Variants in AGPAT5 observed in about 807,000 individuals in gnomAD.
AGPAT5 encodes the protein 1-acyl-sn-glycerol-3-phosphate acyltransferase epsilon.
AGPAT5 carries 46 observed loss-of-function variants against 45.6 expected under a neutral mutation model. The ratio of observed to expected loss-of-function variants is 1.01; its 90% confidence interval spans 0.80 to 1.29. AGPAT5 has a LOEUF of 1.29. Ranked by LOEUF, AGPAT5 falls within the 50% of genes most tolerant of loss-of-function variation. The probability of loss-of-function intolerance (pLI) is 0.00; values close to 1 mark genes in which losing one functional copy is unlikely to be tolerated. For missense variants in AGPAT5, 673 were observed against 450.7 expected (o/e 1.49, Z -4.47); for synonymous variants, 272 against 167.0 (o/e 1.63, Z -4.85).
At chr8:6,718,886 G>T (rs1356595177) in intron 1 of AGPAT5, among the ~76,000 whole-genome samples, 1 of 152,170 alleles carries the variant, frequency 6.6e-6, no homozygotes. Context: ...AGAAGCAGCA[G>T]TTAATTACCT....
At chr8:6,741,819 T>C in intron 5 of AGPAT5, 68 bp downstream of exon 5, 1 of 1,246,738 alleles carries the variant, frequency 8.0e-7, no homozygotes, top group South Asian at 1.3e-5. Context: ...TTTTTCTTCC[T>C]GGAAAAGATA....
chr8:6,709,300 CAG>C (rs1800057216), intron 1 of AGPAT5: 8 of 210,016 alleles, frequency 3.8e-5, no homozygotes, highest in Admixed American at 2.2e-4. Context: ...CCTCTTGAAA[CAG>C]AAGTACAATT....
intron 2 of AGPAT5, among the ~76,000 whole-genome samples, chr8:6,729,534 C>T (rs940259713): frequency 1.3e-5 from 2 of 151,976 alleles, no homozygotes; most frequent in African/African-American, 4.8e-5. Context: ...TGTTTTCTTT[C>T]TCATCAGGAG....
intron 4 of AGPAT5, among the ~76,000 whole-genome samples, chr8:6,735,207 G>C (rs1334444360): frequency 6.6e-6 from 1 of 152,090 alleles, no homozygotes; most frequent in Non-Finnish European, 1.5e-5. Flanking sequence ...CGTGCCCCAT[G>C]GGTAGCAGGG....
chr8:6,735,083 A>G (rs1801002278), intron 4 of AGPAT5, among the ~76,000 whole-genome samples: 1 of 152,060 alleles, frequency 6.6e-6, no homozygotes, highest in Non-Finnish European at 1.5e-5. Flanking sequence ...TCAGGGGTGG[A>G]GCCTTCTCTG....
intron 4 of AGPAT5, among the ~76,000 whole-genome samples, chr8:6,740,567 A>G (rs1366395612): frequency 6.6e-6 from 1 of 151,066 alleles, no homozygotes; most frequent in Non-Finnish European, 1.5e-5. Context: ...TTTCTAAGTT[A>G]GGTGTGGGTT....
At chr8:6,710,091 T>C (rs1021367915) in intron 1 of AGPAT5, among the ~76,000 whole-genome samples, 2 of 152,220 alleles carry the variant, frequency 1.3e-5, no homozygotes, top group Non-Finnish European at 2.9e-5. Flanking sequence ...TGGCCTGGGA[T>C]GGGATATAAG....
intron 1 of AGPAT5, among the ~76,000 whole-genome samples, chr8:6,714,120 G>A (rs548636573): frequency 1.3e-5 from 2 of 152,104 alleles, no homozygotes; most frequent in Non-Finnish European, 2.9e-5. Context: ...CCAAAATGTT[G>A]CCCAGCGTCG....
Position 6,730,759 on chromosome 8 carries a change from G to C in AGPAT5, c.338G>C (p.Gly113Ala), listed in dbSNP as rs1048955179. Residue 113 changes from glycine to alanine, a missense_variant, in exon 3 of 8, where the codon GGA becomes GCA. By Grantham distance (60) the Gly-to-Ala change is moderately conservative. Coordinates refer to ENST00000285518, the MANE Select transcript of AGPAT5 (RefSeq NM_018361.5). ...TTGGCCATCAGGCAGAATGCGCTAG[G>C]ACATGTGCGCTACGTGCTGAAAGAA... ...DILAIRQNALGHVRYVLKEGL... is the reference protein window; with the variant it reads ...DILAIRQNALAHVRYVLKEGL... The C allele has an allele frequency of 2.5e-6, 4 of 1,613,700 alleles. No individual in the cohort carries two copies. The highest frequency in any genetic ancestry group is 3.4e-6 in the Non-Finnish European group (4 of 1,179,700).
chr8:6,756,458 T>G (rs985518311), intron 7 of AGPAT5, among the ~76,000 whole-genome samples: 1 of 151,996 alleles, frequency 6.6e-6, no homozygotes, highest in Non-Finnish European at 1.5e-5. Flanking sequence ...AAACCCTGTC[T>G]CTACAGAAAA....
chr8:6,728,045 A>T (rs909318044), intron 2 of AGPAT5, among the ~76,000 whole-genome samples: 3 of 152,160 alleles, frequency 2.0e-5, no homozygotes, highest in Admixed American at 6.5e-5. Context: ...ATGGCAGGGA[A>T]GCGCTGCACA....
chr8:6,729,442 A>G (rs1437593446), intron 2 of AGPAT5, among the ~76,000 whole-genome samples: 1 of 149,654 alleles, frequency 6.7e-6, no homozygotes, highest in Non-Finnish European at 1.5e-5. Context: ...TATTCTTTTC[A>G]CAGATTAACA....
At chr8:6,743,811 C>T (rs1801326657) in intron 5 of AGPAT5, among the ~76,000 whole-genome samples, 1 of 151,272 alleles carries the variant, frequency 6.6e-6, no homozygotes, top group African/African-American at 2.4e-5. Context: ...ACCATAGTTG[C>T]TAGCGAAGGT....
intron 4 of AGPAT5, among the ~76,000 whole-genome samples, chr8:6,739,763 T>G (rs542731223): frequency 5.9e-5 from 9 of 152,220 alleles, no homozygotes; most frequent in Non-Finnish European, 8.8e-5. Flanking sequence ...CTTGCTAAAT[T>G]TTCTGGCTAG....
chr8:6,709,671 G>C (rs1800079234), intron 1 of AGPAT5: 1 of 151,910 alleles, frequency 6.6e-6, no homozygotes, highest in African/African-American at 2.4e-5. Flanking sequence ...TTCTTGGTAG[G>C]GTTAGGGTGG....
chr8:6,754,383 G>T (rs1041462357), intron 6 of AGPAT5, among the ~76,000 whole-genome samples: 3 of 152,188 alleles, frequency 2.0e-5, no homozygotes, highest in African/African-American at 7.2e-5. Context: ...GCAAGTATCA[G>T]GAAAGCAAGG....
At chr8:6,736,447 T>C (rs769251186) in intron 4 of AGPAT5, among the ~76,000 whole-genome samples, 6 of 152,256 alleles carry the variant, frequency 3.9e-5, no homozygotes, top group Non-Finnish European at 7.3e-5. Context: ...TTTGTTTCTT[T>C]AAGTGATAAA....
chr8:6,754,912 G>C (rs1028808189), intron 6 of AGPAT5, 139 bp from the exon 7 acceptor site: 1 of 644,136 alleles, frequency 1.6e-6, no homozygotes, highest in Non-Finnish European at 2.4e-6. Context: ...TTTAACTTTT[G>C]TTTATTTTTC....
At chr8:6,722,697 T>C (rs1800544850) in intron 1 of AGPAT5, among the ~76,000 whole-genome samples, 1 of 152,230 alleles carries the variant, frequency 6.6e-6, no homozygotes, top group Non-Finnish European at 1.5e-5. Flanking sequence ...GGCCTTCTCC[T>C]GAAAGCCAGT....
Sources: allele counts gnomAD v4.1 joint callset (sites outside exome capture counted in the v4.1 genomes callset), GRCh38; gene constraint gnomAD v4.1.1; transcripts MANE v1.5; gene names NCBI Gene and HGNC (gene_info 2026-07-23, HGNC 2026-07-21).